The following DPP10 variants were observed in gnomAD, a reference collection of about 807,000 sequenced individuals.
DPP10 encodes the protein dipeptidyl peptidase like 10.
In DPP10, 33 loss-of-function variants were observed where a neutral mutation model predicts 120.9. The ratio of observed to expected loss-of-function variants is 0.27; its 90% CI spans 0.21 to 0.37. DPP10 has a LOEUF of 0.37. DPP10 is among the 10% of genes least tolerant of loss of function. The pLI is 1.00. For synonymous variants in DPP10, 337 were observed against 326.1 expected (o/e 1.03, Z -0.36); for missense variants, 816 against 942.8 (o/e 0.87, Z 1.76).
intron 1 of DPP10, among the ~76,000 whole-genome samples, chr2:115,046,016 G>A (rs746216455): frequency 2.6e-5 from 4 of 151,054 alleles, no homozygotes; most frequent in Non-Finnish European, 4.4e-5. Flanking sequence ...GTGTCTGTGT[G>A]TGTGTGTGTG....
chr2:114,645,307 G>T (rs1010630191), intron 1 of DPP10, among the ~76,000 whole-genome samples: 45 of 152,034 alleles, frequency 3.0e-4, no homozygotes, highest in African/African-American at 1.0e-3. Flanking sequence ...TGTGTCCTAA[G>T]TTGGGCCCTA....
At chr2:115,508,622 G>T (rs1273231084) in intron 4 of DPP10, among the ~76,000 whole-genome samples, 2 of 152,082 alleles carry the variant, frequency 1.3e-5, no homozygotes, top group African/African-American at 2.4e-5. Context: ...AAATGAAGAT[G>T]AGCCGGGCTC....
At chr2:115,248,484 C>CA (rs1051818052) in intron 1 of DPP10, among the ~76,000 whole-genome samples, 9 of 152,098 alleles carry the variant, frequency 5.9e-5, no homozygotes, top group Non-Finnish European at 7.4e-5. Context: ...GCTTGCCCAT[C>CA]ACAAGTACTC....
At chr2:115,367,740 T>C (rs537933811) in intron 3 of DPP10, among the ~76,000 whole-genome samples, 1 of 152,144 alleles carries the variant, frequency 6.6e-6, no homozygotes, top group East Asian at 1.9e-4. Flanking sequence ...TGTACATCTT[T>C]TTGTTATGTG....
intron 3 of DPP10, among the ~76,000 whole-genome samples, chr2:115,416,395 T>A (rs1432707005): frequency 1.3e-5 from 2 of 152,204 alleles, no homozygotes; most frequent in East Asian, 1.9e-4. Context: ...CAAGTAGAAA[T>A]GACTCAGCTA....
intron 1 of DPP10, among the ~76,000 whole-genome samples, chr2:114,948,484 T>C (rs1558910649): frequency 6.6e-6 from 1 of 152,196 alleles, no homozygotes; most frequent in Non-Finnish European, 1.5e-5. Flanking sequence ...GAGGTCACAG[T>C]CACTTATACT....
At chr2:115,186,483 G>A (rs1410839499) in intron 1 of DPP10, among the ~76,000 whole-genome samples, 2 of 152,118 alleles carry the variant, frequency 1.3e-5, no homozygotes, top group Admixed American at 6.5e-5. Flanking sequence ...TAAGAGCTTT[G>A]CTTAGCTTAT....
At chr2:115,760,902 G>A (rs1028107683) in intron 11 of DPP10, among the ~76,000 whole-genome samples, 8 of 151,900 alleles carry the variant, frequency 5.3e-5, no homozygotes, top group African/African-American at 1.9e-4. Context: ...TTTGAGACCA[G>A]CCTGGCCAAC....
At chr2:115,478,799 G>A (rs2075251185) in intron 3 of DPP10, among the ~76,000 whole-genome samples, 1 of 152,088 alleles carries the variant, frequency 6.6e-6, no homozygotes, top group African/African-American at 2.4e-5. Flanking sequence ...CATGAAAAAA[G>A]ATGCTCAATG....
At chr2:114,857,942 C>A (rs942821113) in intron 1 of DPP10, among the ~76,000 whole-genome samples, 1 of 152,086 alleles carries the variant, frequency 6.6e-6, no homozygotes, top group African/African-American at 2.4e-5. Context: ...CCACTTATTG[C>A]CCATGTGACC....
chr2:115,642,995 C>G (rs2086910594), intron 5 of DPP10, among the ~76,000 whole-genome samples: 1 of 151,924 alleles, frequency 6.6e-6, no homozygotes, highest in Non-Finnish European at 1.5e-5. Flanking sequence ...TAGATTACTT[C>G]TAAGAAACAG....
intron 1 of DPP10, among the ~76,000 whole-genome samples, chr2:114,825,602 C>G (rs1373209397): frequency 1.3e-5 from 2 of 152,130 alleles, no homozygotes; most frequent in African/African-American, 4.8e-5. Context: ...AAAGGATGCT[C>G]AATTATATGT....
Position 115,130,900 on chromosome 2 carries a change from C to T in DPP10, c.61-178339C>T, listed in dbSNP as rs560876120. ...ATCTTGCCTTCCTATCACATAGTTA[C>T]CAACTTAATTCAGAATTTCTTCATT... is the stretch of plus-strand genomic sequence containing the variant. On this transcript the variant is annotated intron_variant, in intron 1 of 25. Coordinates refer to ENST00000410059, the MANE Select transcript of DPP10 (RefSeq NM_020868.6). 3.9e-5 allele frequency: 6 copies of T among 152,340 alleles called. 1 individual carries two copies. The South Asian group carries it at 1.2e-3, about 32-fold the overall frequency. The allele number at this position is 152,340 out of a possible 1,614,324, so 9.4% of individuals were successfully genotyped here. A position where few individuals can be genotyped will look rare whatever the true frequency, so the allele number is the denominator to read the frequency against.
At chr2:115,707,598 C>A (rs1424501365) in intron 7 of DPP10, among the ~76,000 whole-genome samples, 3 of 151,808 alleles carry the variant, frequency 2.0e-5, no homozygotes, top group African/African-American at 7.2e-5. Flanking sequence ...TGAGAAAATT[C>A]ATTGCAACAC....
rs185050127 is a variant in DPP10 at position 115,187,241 on chromosome 2, T to A, written c.61-121998T>A. ...TTAGTAGAGACGGGGTTTCACCTTG[T>A]TAGCCAGGATGGTCTCGATCTCCTG... On this transcript the variant is annotated intron_variant, in intron 1 of 25. Transcript: ENST00000410059. Among the ~76,000 whole-genome samples, 411 of 151,032 alleles carry A rather than the reference T, an allele frequency of 2.7e-3. 5 individuals are homozygous for A. The highest frequency in any genetic ancestry group is 9.2e-3 in the African/African-American group (377 of 41,122).
chr2:114,501,796 A>G (rs1246544453), intron 1 of DPP10, among the ~76,000 whole-genome samples: 4 of 152,150 alleles, frequency 2.6e-5, no homozygotes, highest in Non-Finnish European at 5.9e-5. Flanking sequence ...GTCATATGAT[A>G]AAATATTACT....
intron 21 of DPP10, among the ~76,000 whole-genome samples, chr2:115,817,474 A>C (rs1687373199): frequency 6.6e-6 from 1 of 152,204 alleles, no homozygotes; most frequent in African/African-American, 2.4e-5. Context: ...TTAAGAAATG[A>C]GTAAAATACA....
rs367729562 is a variant in DPP10, at chr2:115,298,675, A to G, written c.61-10564A>G. Among the ~76,000 whole-genome samples the G allele has an allele frequency of 1.2e-3, 189 of 152,150 alleles. 1 individual carries two copies. The highest frequency in any genetic ancestry group is 4.4e-3 in the African/African-American group (181 of 41,562). ...TGGGGACTGTTTCCCAGACTTCAGC[A>G]CATAGTAGAGCCATCTGGAGAGCCT... On this transcript the variant is annotated intron_variant, in intron 1 of 25. Coordinates refer to ENST00000410059, the MANE Select transcript of DPP10 (RefSeq NM_020868.6).
At chr2:115,740,160 G>T (rs138195949) in intron 9 of DPP10, among the ~76,000 whole-genome samples, 1 of 151,946 alleles carries the variant, frequency 6.6e-6, no homozygotes, top group Non-Finnish European at 1.5e-5. Flanking sequence ...ACACCTTACA[G>T]TTGAAAGGGG....
Sources: allele counts gnomAD v4.1 joint callset (sites outside exome capture counted in the v4.1 genomes callset), GRCh38; gene constraint gnomAD v4.1.1; transcripts MANE v1.5; gene names NCBI Gene and HGNC (gene_info 2026-07-23, HGNC 2026-07-21).